The following CDH23 variants were observed in gnomAD, a reference collection of about 807,000 sequenced individuals.
CDH23 encodes the protein cadherin-23.
Under a neutral mutation model 317.1 loss-of-function variants are expected in CDH23, and 189 were observed. The ratio of observed to expected loss-of-function variants is 0.60; its 90% CI spans 0.53 to 0.67. The LOEUF is 0.67. Ranked by LOEUF, CDH23 falls within the 30% of genes least tolerant of loss-of-function variation. The pLI, the probability that CDH23 is intolerant of heterozygous loss-of-function variation, is 0.00. For missense variants in CDH23, 4,401 were observed against 4,592.4 expected (o/e 0.96, Z 1.20); for synonymous variants, 1,839 against 1,876.8 (o/e 0.98, Z 0.52).
At chr10:71,410,698 AT>A (rs1451183412) in intron 1 of CDH23, among the ~76,000 whole-genome samples, 1 of 152,152 alleles carries the variant, frequency 6.6e-6, no homozygotes, top group Non-Finnish European at 1.5e-5. Context: ...AATACAGTAG[AT>A]TCATTTTGCC....
intron 9 of CDH23, among the ~76,000 whole-genome samples, chr10:71,606,782 G>A (rs953795842): frequency 2.6e-5 from 4 of 152,168 alleles, no homozygotes; most frequent in Non-Finnish European, 5.9e-5. Context: ...GGAGGAATCT[G>A]AGGAGTGACA....
chr10:71,554,209 A>G (rs529038045), intron 6 of CDH23, among the ~76,000 whole-genome samples: 17 of 151,854 alleles, frequency 1.1e-4, no homozygotes, highest in African/African-American at 4.1e-4. Flanking sequence ...TTTGTTTTTC[A>G]TTTTTTGAGA....
intron 11 of CDH23, 112 bp downstream of exon 11, chr10:71,617,505 C>A: frequency 1.3e-6 from 2 of 1,519,870 alleles, no homozygotes; most frequent in South Asian, 1.2e-5. Flanking sequence ...TTGCGGCACC[C>A]CACTCCTGGT....
chr10:71,740,672 C>T (rs1839709117), intron 36 of CDH23, 150 bp from the exon 37 acceptor site: 1 of 1,018,642 alleles, frequency 9.8e-7, no homozygotes, highest in Non-Finnish European at 1.4e-6. Flanking sequence ...CCGGGAGAGC[C>T]CAGGGCTGGC....
intron 25 of CDH23, among the ~76,000 whole-genome samples, chr10:71,705,724 A>C (rs1249849903): frequency 1.3e-5 from 2 of 152,104 alleles, no homozygotes; most frequent in African/African-American, 2.4e-5. Flanking sequence ...TGAGTCTTTA[A>C]TTTTCAGGAC....
chr10:71,806,476 A>G (rs1293854350), intron 57 of CDH23, among the ~76,000 whole-genome samples, 195 bp downstream of exon 57: 1 of 147,472 alleles, frequency 6.8e-6, no homozygotes, highest in Non-Finnish European at 1.5e-5. Flanking sequence ...TTGAGCGCTG[A>G]AAAAAAAAAA....
chr10:71,624,173 C>T (rs1056154299), intron 11 of CDH23, among the ~76,000 whole-genome samples: 2 of 152,184 alleles, frequency 1.3e-5, no homozygotes, highest in Admixed American at 6.5e-5. Flanking sequence ...GCCGGCTCCA[C>T]GGACTCGGTT....
chr10:71,695,558 C>T (rs758666815), intron 22 of CDH23, 33 bp downstream of exon 22: 12 of 1,477,294 alleles, frequency 8.1e-6, no homozygotes, highest in East Asian at 2.3e-5. Flanking sequence ...AACTGCCAGG[C>T]GGCCCTTCCC....
rs190776880 is a variant in CDH23 at position 71,804,188 on chromosome 10, T to C, written c.7872+768T>C. On this transcript the variant is annotated intron_variant, in intron 55 of 69. Transcript: ENST00000224721. ...ACTCCTCTACAACCCACTTCCCCCA[T>C]ACTTGTCTCAGAATAAACACACACG... Among the ~76,000 whole-genome samples the C allele has an allele frequency of 5.7e-3, 869 of 152,236 alleles. 5 individuals are homozygous for C. Among genetic ancestry groups the C allele is most frequent in the African/African-American group, 0.02 (813 of 41,548 alleles).
intron 1 of CDH23, among the ~76,000 whole-genome samples, chr10:71,435,010 C>G (rs533930189): frequency 1.3e-5 from 2 of 152,174 alleles, no homozygotes; most frequent in African/African-American, 2.4e-5. Context: ...GAGTAGATGC[C>G]ACAGGGTCTT....
chr10:71,812,456 AC>A, intron 66 of CDH23, 23 bp from the exon 67 acceptor site: 1 of 686,066 alleles, frequency 1.5e-6, no homozygotes, highest in Non-Finnish European at 2.5e-6. Context: ...CTCCCTCCCC[AC>A]CCTTTTCCCT....
intron 7 of CDH23, 121 bp from the exon 8 acceptor site, chr10:71,570,669 C>G: frequency 9.6e-7 from 1 of 1,046,356 alleles, no homozygotes; most frequent in Non-Finnish European, 1.4e-6. Context: ...TGTGTGTGTG[C>G]GTGTGCATGT....
chr10:71,534,390 C>CGG (rs1473423575), intron 6 of CDH23, among the ~76,000 whole-genome samples: 1 of 152,244 alleles, frequency 6.6e-6, no homozygotes, highest in African/African-American at 2.4e-5. Context: ...AGCGCTATCA[C>CGG]TGCGGAGAAA....
chr10:71,675,273 G>A (rs1864313292), intron 15 of CDH23, 97 bp downstream of exon 15: 1 of 999,332 alleles, frequency 1.0e-6, no homozygotes, highest in African/African-American at 1.6e-5. Context: ...CCCAGGGAGG[G>A]AGGTGCTGGG....
intron 3 of CDH23, among the ~76,000 whole-genome samples, chr10:71,473,787 A>G (rs946880): frequency 0.42 from 64,173 of 151,958 alleles, 14,733 homozygotes; most frequent in African/African-American, 0.62. Flanking sequence ...TATGGCTACT[A>G]GAGGGTCAGG....
intron 9 of CDH23, among the ~76,000 whole-genome samples, chr10:71,603,886 G>C (rs1860379972): frequency 6.6e-6 from 1 of 152,194 alleles, no homozygotes; most frequent in Admixed American, 6.5e-5. Context: ...ACGGTATTTT[G>C]TGGATCCAGT....
chr10:71,633,805 C>T (rs1564699660), intron 11 of CDH23, among the ~76,000 whole-genome samples: 1 of 152,256 alleles, frequency 6.6e-6, no homozygotes, highest in South Asian at 2.1e-4. Context: ...AGCAGGCCAG[C>T]GCCAGTCCTC....
At chr10:71,459,613 G>T (rs988624229) in intron 3 of CDH23, among the ~76,000 whole-genome samples, 4 of 152,114 alleles carry the variant, frequency 2.6e-5, no homozygotes, top group Admixed American at 1.3e-4. Flanking sequence ...TCTCCAGGAG[G>T]AAGAGGCCTA....
At chr10:71,658,310 G>C (rs560549922) in intron 14 of CDH23, among the ~76,000 whole-genome samples, 1 of 152,332 alleles carries the variant, frequency 6.6e-6, no homozygotes, top group Non-Finnish European at 1.5e-5. Context: ...GAGAGAGAGA[G>C]AGAACATAGC....
Sources: allele counts gnomAD v4.1 joint callset (sites outside exome capture counted in the v4.1 genomes callset), GRCh38; gene constraint gnomAD v4.1.1; transcripts MANE v1.5; gene names NCBI Gene and HGNC (gene_info 2026-07-23, HGNC 2026-07-21).